FYB1: variants seen among roughly 807,000 people sequenced by gnomAD.
The protein encoded by FYB1 is FYN binding protein 1.
A neutral mutation model predicts 94.1 loss-of-function variants in FYB1; 41 were observed. The observed-to-expected ratio is 0.44, with a 90% confidence interval of 0.34 to 0.57. The LOEUF is 0.57. Among genes scored for constraint, FYB1 ranks in the 20% least tolerant of loss-of-function variants. FYB1 has a pLI of 0.02. For missense variants in FYB1, 1,050 were observed against 976.8 expected (o/e 1.07, Z -1.00); for synonymous variants, 367 against 353.2 (o/e 1.04, Z -0.44).
intron 1 of FYB1, among the ~76,000 whole-genome samples, chr5:39,245,980 A>G (rs1751461047): frequency 6.6e-6 from 1 of 152,196 alleles, no homozygotes; most frequent in Admixed American, 6.5e-5. Context: ...TCATTATAAG[A>G]CAGAAGGGAT....
At chr5:39,210,872 T>C (rs1480136077) in intron 1 of FYB1, among the ~76,000 whole-genome samples, 2 of 152,278 alleles carry the variant, frequency 1.3e-5, no homozygotes, top group East Asian at 3.9e-4. Context: ...TATAAATATA[T>C]ATGAGTTTCT....
intron 11 of FYB1, 31 bp from the exon 12 acceptor site, chr5:39,126,166 T>G (rs769987835): frequency 2.4e-5 from 38 of 1,605,138 alleles, no homozygotes; most frequent in Non-Finnish European, 2.1e-5. Flanking sequence ...GATCAGAATG[T>G]AATAATCAGC....
chr5:39,147,451 C>CTTGT (rs1329902094), intron 3 of FYB1, among the ~76,000 whole-genome samples: 1 of 53,598 alleles, frequency 1.9e-5, no homozygotes, highest in East Asian at 5.0e-4. Context: ...TGTACATATG[C>CTTGT]CTGTGTGTGT....
At chr5:39,118,505 T>C (rs986758068) in intron 16 of FYB1, among the ~76,000 whole-genome samples, 4 of 152,236 alleles carry the variant, frequency 2.6e-5, no homozygotes, top group Admixed American at 2.6e-4. Context: ...TCATCACTGT[T>C]TTTACCTGAT....
intron 16 of FYB1, among the ~76,000 whole-genome samples, chr5:39,114,303 G>A (rs1031041750): frequency 1.3e-5 from 2 of 152,142 alleles, no homozygotes; most frequent in Admixed American, 6.5e-5. Context: ...ATTTGGAAAT[G>A]TGCCAGAAAT....
chr5:39,147,991 T>G (rs1742832812), intron 3 of FYB1, among the ~76,000 whole-genome samples: 1 of 149,280 alleles, frequency 6.7e-6, no homozygotes, highest in Non-Finnish European at 1.5e-5. Context: ...GTCCACCCTG[T>G]CTTCTAAAAT....
chr5:39,191,347 G>C (rs1405087398), intron 2 of FYB1, among the ~76,000 whole-genome samples: 1 of 152,184 alleles, frequency 6.6e-6, no homozygotes, highest in Non-Finnish European at 1.5e-5. Context: ...CAGGACCAAG[G>C]CTGAAAAAGC....
chr5:39,232,146 T>C (rs1469796124), intron 1 of FYB1, among the ~76,000 whole-genome samples: 2 of 152,088 alleles, frequency 1.3e-5, no homozygotes, highest in Non-Finnish European at 2.9e-5. Context: ...GAAAGATACC[T>C]GTTTCAGAAC....
In FYB1 at chr5:39,137,715, G is replaced by A; in HGVS notation, c.1400C>T (p.Ala467Val). The change falls in exon 7 of 19, where the codon GCA (alanine) becomes GTA (valine). Residue 467 changes from alanine (A) to valine (V), a missense_variant. Physicochemically the swap from Ala to Val is moderately conservative, Grantham distance 64. Transcript: ENST00000512982. ...SEGETYEDIE[A>V]SKEREKKREK... ...CCTTTTCTTCTCTCTTTCTTTGGAT[G>A]CTTCTCTGTGAGTAAAAATTGTTAG... 6.5e-7 allele frequency: 1 copy of A among 1,549,902 alleles called. No individual in the cohort carries two copies. Among genetic ancestry groups the A allele is most frequent in the Non-Finnish European group, 8.7e-7 (1 of 1,146,236 alleles).
chr5:39,182,259 C>A (rs1746310252), intron 2 of FYB1, among the ~76,000 whole-genome samples: 1 of 145,318 alleles, frequency 6.9e-6, no homozygotes, highest in Non-Finnish European at 1.5e-5. Context: ...GTGGCACATA[C>A]AAATGCTTTT....
intron 17 of FYB1, among the ~76,000 whole-genome samples, 172 bp from the exon 18 acceptor site, chr5:39,108,434 T>C (rs914695236): frequency 3.9e-5 from 6 of 152,106 alleles, no homozygotes; most frequent in African/African-American, 1.4e-4. Flanking sequence ...TCTTCTTTCA[T>C]TGACTTAATC....
intron 2 of FYB1, among the ~76,000 whole-genome samples, chr5:39,198,533 T>C (rs1407138352): frequency 6.6e-6 from 1 of 152,234 alleles, no homozygotes; most frequent in Non-Finnish European, 1.5e-5. Flanking sequence ...GCCCTATTTA[T>C]GACAGTTCAA....
intron 15 of FYB1, among the ~76,000 whole-genome samples, 196 bp from the exon 16 acceptor site, chr5:39,119,232 T>A (rs1739860443): frequency 6.6e-6 from 1 of 152,090 alleles, no homozygotes; most frequent in Non-Finnish European, 1.5e-5. Context: ...TAATAATTAT[T>A]TTTAGTACTT....
Position 39,238,633 on chromosome 5 carries a change from G to C in FYB1, c.-27-35646C>G, listed in dbSNP as rs372262646. ...TGGGTGCAAGAAGAGAGAAAAAAGA[G>C]CCCCAAGCCCTCAAAGTGTCTGCAT... On this transcript the variant is annotated intron_variant, in intron 1 of 1. Transcript: ENST00000510188. Among the ~76,000 whole-genome samples the C allele has an allele frequency of 2.6e-5, 4 of 152,154 alleles. No individual in the cohort carries two copies. In the East Asian group the frequency reaches 5.8e-4, roughly 22 times the overall value.
At chr5:39,118,551 T>C (rs1342869819) in intron 16 of FYB1, among the ~76,000 whole-genome samples, 1 of 152,168 alleles carries the variant, frequency 6.6e-6, no homozygotes, top group Non-Finnish European at 1.5e-5. Flanking sequence ...CAAGGGTGGG[T>C]ACAGGGAACT....
chr5:39,147,697 C>CTTTTTTTTT (rs548956747), intron 3 of FYB1, among the ~76,000 whole-genome samples: 1 of 125,468 alleles, frequency 8.0e-6, no homozygotes. Flanking sequence ...TCCACCTTGT[C>CTTTTTTTTT]TTTTTTTTTT....
chr5:39,272,361 C>T (rs763992127), intron 1 of FYB1, among the ~76,000 whole-genome samples: 8 of 152,072 alleles, frequency 5.3e-5, no homozygotes, highest in Non-Finnish European at 7.4e-5. Context: ...ACCCCATGTA[C>T]TACATAAAAA....
intron 1 of FYB1, among the ~76,000 whole-genome samples, chr5:39,244,810 A>T (rs547961242): frequency 6.6e-6 from 1 of 152,102 alleles, no homozygotes; most frequent in Non-Finnish European, 1.5e-5. Flanking sequence ...TATTGCCTCA[A>T]TTTCAGAGCC....
intron 16 of FYB1, among the ~76,000 whole-genome samples, chr5:39,116,749 C>T (rs1739604771): frequency 6.6e-6 from 1 of 151,862 alleles, no homozygotes; most frequent in Non-Finnish European, 1.5e-5. Context: ...AAGATCTATG[C>T]TGATCCAAAG....
Sources: gnomAD v4.1 joint callset for allele counts (sites outside exome capture counted in the v4.1 genomes callset) on GRCh38, gnomAD v4.1.1 for gene constraint, MANE v1.5 for transcripts, NCBI Gene and HGNC (gene_info 2026-07-23, HGNC 2026-07-21) for gene names.